Variants in TUSC3 observed in about 807,000 individuals in gnomAD.
The protein encoded by TUSC3 is dolichyl-diphosphooligosaccharide--protein glycosyltransferase subunit TUSC3.
Under a neutral mutation model 44.8 loss-of-function variants are expected in TUSC3, and 45 were observed. The observed-to-expected ratio is 1.00, with a 90% confidence interval of 0.79 to 1.29. The LOEUF is 1.29. Among genes scored for constraint, TUSC3 ranks in the 50% most tolerant of loss-of-function variants. The pLI is 0.00. For missense variants in TUSC3, 519 were observed against 437.9 expected (o/e 1.19, Z -1.65); for synonymous variants, 212 against 152.9 (o/e 1.39, Z -2.85).
At chr8:15,453,900 G>C (rs1432398710) in intron 1 of TUSC3, among the ~76,000 whole-genome samples, 1 of 152,120 alleles carries the variant, frequency 6.6e-6, no homozygotes, top group South Asian at 2.1e-4. Flanking sequence ...ACCTGAAACT[G>C]GTGATCACCA....
At chr8:15,562,512 A>T (rs971006554) in intron 1 of TUSC3, among the ~76,000 whole-genome samples, 3 of 152,120 alleles carry the variant, frequency 2.0e-5, no homozygotes, top group African/African-American at 7.2e-5. Context: ...CTTATCTCCT[A>T]GTTTCTAGAT....
the TUSC3 span, among the ~76,000 whole-genome samples, chr8:15,776,851 G>A: frequency 2.0e-5 from 3 of 151,950 alleles, no homozygotes; most frequent in African/African-American, 7.2e-5. Context: ...CCCTTTTACT[G>A]TTATGTGAAA....
At chr8:15,831,340 C>T in the TUSC3 span, among the ~76,000 whole-genome samples, 1 of 152,146 alleles carries the variant, frequency 6.6e-6, no homozygotes, top group Non-Finnish European at 1.5e-5. Context: ...CATAAGCCCA[C>T]AAAGATGAGA....
rs1484191585 is a variant in TUSC3, at chr8:15,435,152, A to G, written n.91+17847A>G. On this transcript the variant is annotated intron_variant and non_coding_transcript_variant, in intron 1 of 5. Transcript: ENST00000503191. ...GTTGAACTAGTTTACAGTCCCACCA[A>G]CATTGTAAAAGTGTTCCTATTTCTC... Among the ~76,000 whole-genome samples the G allele has an allele frequency of 6.0e-5, 9 of 149,952 alleles. No individual in the cohort carries two copies. The East Asian group carries it at 1.5e-3, about 26-fold the overall frequency.
chr8:15,468,495 G>A (rs1800443714), intron 1 of TUSC3, among the ~76,000 whole-genome samples: 1 of 152,120 alleles, frequency 6.6e-6, no homozygotes, highest in Non-Finnish European at 1.5e-5. Flanking sequence ...GTCTACCAGT[G>A]ATTAGATGTC....
At chr8:15,848,820 T>G in the TUSC3 span, among the ~76,000 whole-genome samples, 1 of 152,238 alleles carries the variant, frequency 6.6e-6, no homozygotes, top group Admixed American at 6.5e-5. Flanking sequence ...ACTTTTACAT[T>G]CCTTAAAACA....
downstream of TUSC3, among the ~76,000 whole-genome samples, chr8:15,768,509 A>T (rs1812387567): frequency 6.6e-6 from 1 of 152,206 alleles, no homozygotes; most frequent in Non-Finnish European, 1.5e-5. Flanking sequence ...AGACGAGGAC[A>T]TTAATGTCTT....
At chr8:15,488,232 G>A (rs1034516534) in intron 2 of TUSC3, among the ~76,000 whole-genome samples, 3 of 151,914 alleles carry the variant, frequency 2.0e-5, no homozygotes, top group African/African-American at 7.2e-5. Context: ...TTGGCTGTGT[G>A]TGGTGGCTCA....
At chr8:15,615,632 C>T (rs1390637905) in intron 1 of TUSC3, among the ~76,000 whole-genome samples, 1 of 152,014 alleles carries the variant, frequency 6.6e-6, no homozygotes, top group Non-Finnish European at 1.5e-5. Flanking sequence ...ATGTTCACAG[C>T]ACAAGGAAAT....
the TUSC3 span, among the ~76,000 whole-genome samples, chr8:15,786,172 A>G: frequency 6.6e-6 from 1 of 152,224 alleles, no homozygotes; most frequent in East Asian, 1.9e-4. Flanking sequence ...CTAAGCACAA[A>G]TGTTTCTCAC....
chr8:15,495,354 T>A (rs1010821368), intron 2 of TUSC3, among the ~76,000 whole-genome samples: 1 of 152,170 alleles, frequency 6.6e-6, no homozygotes, highest in South Asian at 2.1e-4. Context: ...CCAATGTTGG[T>A]GTTTTGTCAA....
the TUSC3 span, among the ~76,000 whole-genome samples, chr8:15,813,065 G>T: frequency 6.6e-6 from 1 of 152,080 alleles, no homozygotes; most frequent in African/African-American, 2.4e-5. Context: ...CTGCACTGCG[G>T]CCTGGACAAC....
intron 4 of TUSC3, 136 bp from the exon 5 acceptor site, chr8:15,662,020 G>A (rs548459708): frequency 2.2e-6 from 2 of 909,188 alleles, no homozygotes; most frequent in Admixed American, 2.0e-5. Flanking sequence ...AATGAAAGTA[G>A]TGCTAGTGTC....
At chr8:15,582,106 A>G (rs1244419214) in intron 1 of TUSC3, among the ~76,000 whole-genome samples, 2 of 150,644 alleles carry the variant, frequency 1.3e-5, no homozygotes, top group Non-Finnish European at 3.0e-5. Context: ...TTTGACTCGG[A>G]AAGGGAACTC....
At chr8:15,719,512 CACA>C (rs1563188880) in intron 6 of TUSC3, among the ~76,000 whole-genome samples, 12 of 38,940 alleles carry the variant, frequency 3.1e-4, no homozygotes, top group Non-Finnish European at 5.0e-4. Flanking sequence ...CACACACACA[CACA>C]CCACACACAC....
chr8:15,429,705 G>A (rs1355087132), intron 1 of TUSC3, among the ~76,000 whole-genome samples: 4 of 151,478 alleles, frequency 2.6e-5, no homozygotes. Context: ...CTTGTAAGGT[G>A]GATTCTTAGG....
chr8:15,651,665 G>A (rs1806910581), intron 3 of TUSC3, among the ~76,000 whole-genome samples: 3 of 152,176 alleles, frequency 2.0e-5, no homozygotes, highest in Non-Finnish European at 4.4e-5. Context: ...AACTCTGCCG[G>A]CACCTTCCTC....
At chr8:15,417,614 A>C (rs1799675331) in intron 1 of TUSC3, among the ~76,000 whole-genome samples, 1 of 152,228 alleles carries the variant, frequency 6.6e-6, no homozygotes, top group African/African-American at 2.4e-5. Flanking sequence ...AACGTTGTAA[A>C]GAAGGAGTTA....
At chr8:15,585,958 A>G (rs181853581) in intron 1 of TUSC3, among the ~76,000 whole-genome samples, 147 of 152,342 alleles carry the variant, frequency 9.6e-4, no homozygotes, top group African/African-American at 3.4e-3. Context: ...CCTACGGAAT[A>G]AAGAGAGAAG....
Sources: allele counts gnomAD v4.1 joint callset (sites outside exome capture counted in the v4.1 genomes callset), GRCh38; gene constraint gnomAD v4.1.1; transcripts MANE v1.5; gene names NCBI Gene and HGNC (gene_info 2026-07-23, HGNC 2026-07-21).